CEP112: variants seen among roughly 807,000 people sequenced by gnomAD.
The protein encoded by CEP112 is centrosomal protein 112.
In CEP112, 127 loss-of-function variants were observed where a neutral mutation model predicts 153.0. That is an observed-to-expected ratio of 0.83 (90% confidence interval 0.72 to 0.96). The LOEUF (loss-of-function observed/expected upper bound fraction) is 0.96. Among genes scored for constraint, CEP112 ranks in the 40% least tolerant of loss-of-function variants. The pLI, the probability that CEP112 is intolerant of heterozygous loss-of-function variation, is 0.00. For synonymous variants in CEP112, 358 were observed against 374.4 expected (o/e 0.96, Z 0.51); for missense variants, 1,089 against 1,101.2 (o/e 0.99, Z 0.16).
chr17:65,785,463 T>C (rs2054230384), intron 21 of CEP112, among the ~76,000 whole-genome samples: 1 of 152,216 alleles, frequency 6.6e-6, no homozygotes, highest in Non-Finnish European at 1.5e-5. Flanking sequence ...TTTCTCCACA[T>C]CCTTGCCAAA....
intron 21 of CEP112, among the ~76,000 whole-genome samples, chr17:65,830,012 C>T (rs1723693395): frequency 1.3e-5 from 2 of 152,062 alleles, no homozygotes; most frequent in Admixed American, 1.3e-4. Flanking sequence ...ATAAAGATCC[C>T]AGTAAAATAT....
chr17:65,937,347 G>A (rs1296927021), intron 18 of CEP112, among the ~76,000 whole-genome samples: 2,819 of 110,198 alleles, frequency 0.026, 77 homozygotes, highest in African/African-American at 0.05. Context: ...CCTCTTCCCG[G>A]CCGCCATCCC....
rs531735983 is a variant in CEP112, at chr17:66,029,726, A to G, written c.1373+143T>C. ...TCTAAATAAACAAACAAACAAACAA[A>G]CAAACAAACAAACAGCAGTATTTAG... On this transcript the variant is annotated intron_variant, in intron 13 of 26. Coordinates refer to ENST00000535342, the MANE Select transcript of CEP112 (RefSeq NM_001199165.4). 85 of 620,640 alleles carry G rather than the reference A, an allele frequency of 1.4e-4. No individual in the cohort carries two copies. In the African/African-American group the frequency reaches 2.1e-3, roughly 15 times the overall value. The allele number at this position is 620,640 out of a possible 1,614,324, so 38.4% of individuals were successfully genotyped here. A position where few individuals can be genotyped will look rare whatever the true frequency, so the allele number is the denominator to read the frequency against.
intron 18 of CEP112, chr17:65,941,463 C>G (rs2061502734): frequency 6.6e-6 from 1 of 152,078 alleles, no homozygotes; most frequent in African/African-American, 2.4e-5. Context: ...CCGAAAATGC[C>G]AGACCCCATT....
At chr17:65,836,679 T>C (rs1000384763) in intron 21 of CEP112, among the ~76,000 whole-genome samples, 2 of 152,106 alleles carry the variant, frequency 1.3e-5, no homozygotes, top group African/African-American at 2.4e-5. Context: ...AATGCAATAA[T>C]AGTAGTAGAT....
intron 24 of CEP112, among the ~76,000 whole-genome samples, chr17:65,671,784 G>T (rs1213785241): frequency 1.3e-5 from 2 of 152,098 alleles, no homozygotes; most frequent in African/African-American, 4.8e-5. Context: ...CAAGTAATTA[G>T]AATGAAGGTG....
In CEP112 at chr17:65,635,903, C is replaced by A; in HGVS notation, c.*68G>T. 6.5e-7 allele frequency: 1 copy of A among 1,546,462 alleles called. No homozygotes were observed. The highest frequency in any genetic ancestry group is 8.8e-7 in the Non-Finnish European group (1 of 1,134,388). On this transcript the variant is annotated 3_prime_UTR_variant, in exon 27 of 27. Coordinates refer to ENST00000535342, the MANE Select transcript of CEP112 (RefSeq NM_001199165.4). ...ATCTCACAGTTTACAATATCCAAAT[C>A]TTCAAACCTGCTGGAAGAAGTCCAC...
chr17:65,718,214 T>C (rs1598390643), intron 23 of CEP112, among the ~76,000 whole-genome samples: 1 of 152,090 alleles, frequency 6.6e-6, no homozygotes, highest in Non-Finnish European at 1.5e-5. Context: ...GAGACCAGGC[T>C]GGCCAACATG....
intron 17 of CEP112, among the ~76,000 whole-genome samples, chr17:66,002,709 G>A (rs1415203043): frequency 6.6e-6 from 1 of 152,012 alleles, no homozygotes; most frequent in African/African-American, 2.4e-5. Context: ...CATGTATCAT[G>A]TTTTTATATG....
chr17:65,676,346 AG>A (rs934034316), intron 24 of CEP112, among the ~76,000 whole-genome samples: 2 of 151,824 alleles, frequency 1.3e-5, no homozygotes, highest in East Asian at 1.9e-4. Context: ...AAAAAAAAAA[AG>A]AAGCCATTAA....
intron 1 of CEP112, among the ~76,000 whole-genome samples, chr17:66,190,132 C>T (rs957782701): frequency 2.0e-5 from 3 of 151,884 alleles, no homozygotes; most frequent in African/African-American, 7.3e-5. Flanking sequence ...GAGTTCGAGA[C>T]AAGCCTGGCC....
intron 21 of CEP112, 48 bp downstream of exon 21, chr17:65,851,756 T>G (rs762063202): frequency 2.2e-6 from 3 of 1,384,520 alleles, no homozygotes; most frequent in Non-Finnish European, 3.0e-6. Context: ...CAATGGATTT[T>G]AAACATGGAT....
chr17:66,156,032 G>A (rs933851057), intron 4 of CEP112, among the ~76,000 whole-genome samples: 1 of 152,200 alleles, frequency 6.6e-6, no homozygotes, highest in African/African-American at 2.4e-5. Flanking sequence ...TTTGAGCTCT[G>A]CTAAGGGACA....
At chr17:65,935,795 A>G (rs2061286161) in intron 18 of CEP112, among the ~76,000 whole-genome samples, 1 of 151,856 alleles carries the variant, frequency 6.6e-6, no homozygotes, top group African/African-American at 2.4e-5. Context: ...ATTTTTTTAA[A>G]AAAAGAAAGA....
At chr17:66,148,275 A>T (rs556688588) in intron 4 of CEP112, among the ~76,000 whole-genome samples, 2 of 152,214 alleles carry the variant, frequency 1.3e-5, no homozygotes, top group Admixed American at 1.3e-4. Flanking sequence ...TGATTCAATT[A>T]TCTCCCACTG....
chr17:66,173,989 T>C (rs1268854435), intron 4 of CEP112, among the ~76,000 whole-genome samples: 1 of 152,214 alleles, frequency 6.6e-6, no homozygotes, highest in Admixed American at 6.5e-5. Flanking sequence ...AGTGCAGTAG[T>C]GGAATCTCGG....
chr17:65,739,042 T>C (rs1370674301), intron 23 of CEP112, among the ~76,000 whole-genome samples: 1 of 152,240 alleles, frequency 6.6e-6, no homozygotes, highest in Non-Finnish European at 1.5e-5. Context: ...GAAATACAGG[T>C]TCTGCTTTTA....
chr17:65,749,422 G>A (rs768070344), intron 22 of CEP112, among the ~76,000 whole-genome samples: 3 of 151,964 alleles, frequency 2.0e-5, no homozygotes, highest in African/African-American at 2.4e-5. Context: ...GCAGGAGAAT[G>A]GCGTGAATCA....
At chr17:65,759,581 A>G (rs1282102767) in intron 21 of CEP112, among the ~76,000 whole-genome samples, 3 of 152,248 alleles carry the variant, frequency 2.0e-5, no homozygotes, top group African/African-American at 7.2e-5. Flanking sequence ...GCAAATTTGT[A>G]AAACAGTAAA....
Sources: gnomAD v4.1 joint callset for allele counts (sites outside exome capture counted in the v4.1 genomes callset) on GRCh38, gnomAD v4.1.1 for gene constraint, MANE v1.5 for transcripts, NCBI Gene and HGNC (gene_info 2026-07-23, HGNC 2026-07-21) for gene names.